The following SCFD2 variants were observed in gnomAD, a reference collection of about 807,000 sequenced individuals.
SCFD2 encodes sec1 family domain containing 2.
In SCFD2, 54 loss-of-function variants were observed where a neutral mutation model predicts 58.9. That is an observed-to-expected ratio of 0.92 (90% CI 0.74 to 1.15). SCFD2 has a LOEUF of 1.15. SCFD2 is among the 50% of genes most tolerant of loss of function. The pLI, the probability that SCFD2 is intolerant of heterozygous loss-of-function variation, is 0.00. For synonymous variants in SCFD2, 321 were observed against 335.9 expected, an observed-to-expected ratio of 0.96 and a Z score of 0.49; for missense variants, 805 against 836.6, an observed-to-expected ratio of 0.96 and a Z score of 0.47.
intron 4 of SCFD2, among the ~76,000 whole-genome samples, chr4:53,259,003 G>A (rs1730745274): frequency 6.6e-6 from 1 of 152,084 alleles, no homozygotes; most frequent in Non-Finnish European, 1.5e-5. Context: ...CCATATGCTT[G>A]TCAGCCATTT....
intron 5 of SCFD2, among the ~76,000 whole-genome samples, chr4:52,986,557 G>T (rs1231605912): frequency 2.9e-5 from 4 of 137,388 alleles, no homozygotes; most frequent in Non-Finnish European, 6.1e-5. Context: ...GGAGTGCAGT[G>T]GTGCGATCTT....
At chr4:53,216,495 C>A (rs1728840610) in intron 4 of SCFD2, among the ~76,000 whole-genome samples, 1 of 151,852 alleles carries the variant, frequency 6.6e-6, no homozygotes, top group Non-Finnish European at 1.5e-5. Flanking sequence ...TGGTGATATC[C>A]CCTTTATCAT....
At position 53,291,310 on chromosome 4, in the gene SCFD2, C is replaced by T. The variant is rs554107949; in HGVS notation, c.1136-17309G>A. 2.6e-5 allele frequency among the ~76,000 whole-genome samples: 4 copies of T among 152,184 alleles called. No individual in the cohort carries two copies. In the South Asian group the frequency reaches 6.2e-4, roughly 24 times the overall value. On this transcript the variant is annotated intron_variant, in intron 3 of 8. Transcript: ENST00000401642. ...CTTAACATATGCAAATCAAAAATCA[C>T]AAGCATTTCTTTACACCAACAACAG... is the stretch of plus-strand genomic sequence containing the variant.
chr4:53,344,825 A>T (rs560162778), intron 2 of SCFD2, among the ~76,000 whole-genome samples: 2 of 152,216 alleles, frequency 1.3e-5, no homozygotes, highest in Non-Finnish European at 2.9e-5. Context: ...CTTTTGACAA[A>T]CCTGAGAAAA....
At chr4:53,223,463 A>C (rs1349217535) in intron 4 of SCFD2, among the ~76,000 whole-genome samples, 4 of 152,178 alleles carry the variant, frequency 2.6e-5, no homozygotes, top group Non-Finnish European at 5.9e-5. Flanking sequence ...TTTTTCCACA[A>C]ACACATGCCT....
In SCFD2 at chr4:52,930,799, C is replaced by G. The variant is rs1158422836; in HGVS notation, c.1562-9929G>C. On this transcript the variant is annotated intron_variant, in intron 5 of 8. Transcript: ENST00000401642. ...TGTCTATTAAATCAAACTAAATACA[C>G]TGTAGACAAAGAGATTCTGAAGTTC... Among the ~76,000 whole-genome samples the G allele has an allele frequency of 2.0e-5, 3 of 152,284 alleles. No individual in the cohort carries two copies. In the East Asian group the frequency reaches 5.8e-4, roughly 29 times the overall value.
At chr4:53,337,924 A>G (rs866297086) in intron 2 of SCFD2, among the ~76,000 whole-genome samples, 9 of 152,188 alleles carry the variant, frequency 5.9e-5, no homozygotes, top group Non-Finnish European at 4.4e-5. Context: ...GATTATCCAG[A>G]TAGGTCCAAT....
chr4:52,908,576 T>C (rs371342316), intron 6 of SCFD2, among the ~76,000 whole-genome samples: 48 of 152,320 alleles, frequency 3.2e-4, no homozygotes, highest in African/African-American at 1.1e-3. Context: ...CTCTCTCTGA[T>C]TGGCCAAATA....
chr4:52,914,860 T>G (rs1376838224), intron 6 of SCFD2, among the ~76,000 whole-genome samples: 11 of 152,196 alleles, frequency 7.2e-5, no homozygotes. Context: ...GAGAGCCTCA[T>G]GAGGCTGGCC....
intron 4 of SCFD2, among the ~76,000 whole-genome samples, chr4:53,213,131 G>T (rs1301934902): frequency 6.6e-6 from 1 of 152,128 alleles, no homozygotes; most frequent in African/African-American, 2.4e-5. Context: ...TTTAGTAGGT[G>T]TAATGTGAAA....
At chr4:52,901,783 T>C (rs891520844) in intron 7 of SCFD2, among the ~76,000 whole-genome samples, 4 of 152,220 alleles carry the variant, frequency 2.6e-5, no homozygotes, top group African/African-American at 9.7e-5. Context: ...GCATGCTAAA[T>C]GCTGCAAAGA....
intron 3 of SCFD2, among the ~76,000 whole-genome samples, chr4:53,300,541 G>A (rs1353416941): frequency 2.0e-5 from 3 of 152,102 alleles, no homozygotes; most frequent in South Asian, 2.1e-4. Context: ...ACAGATCAAC[G>A]AGAAAGAAAG....
At chr4:53,109,228 G>A (rs188647163) in intron 5 of SCFD2, among the ~76,000 whole-genome samples, 17 of 152,182 alleles carry the variant, frequency 1.1e-4, no homozygotes, top group Non-Finnish European at 2.4e-4. Flanking sequence ...AAAATAATGA[G>A]AGCTATCTAT....
At chr4:52,974,718 C>A (rs1370863288) in intron 5 of SCFD2, among the ~76,000 whole-genome samples, 1 of 152,044 alleles carries the variant, frequency 6.6e-6, no homozygotes, top group Admixed American at 6.6e-5. Context: ...CCAAGTCAAC[C>A]CTAAGCCAAA....
At chr4:53,330,818 A>G (rs1733428776) in intron 2 of SCFD2, among the ~76,000 whole-genome samples, 1 of 152,182 alleles carries the variant, frequency 6.6e-6, no homozygotes, top group Non-Finnish European at 1.5e-5. Context: ...ATAAAGAGTC[A>G]AGACCCATCA....
intron 5 of SCFD2, among the ~76,000 whole-genome samples, chr4:53,143,716 A>G (rs1183992326): frequency 1.3e-5 from 2 of 151,960 alleles, no homozygotes; most frequent in Non-Finnish European, 2.9e-5. Flanking sequence ...CCAACAGAGG[A>G]CAAGAGGAAA....
rs1474315649 is a variant in SCFD2 at position 53,365,672 on chromosome 4, C to A, written c.270G>T (p.Arg90=). 6.2e-7 allele frequency: 1 copy of A among 1,614,062 alleles called. No individual in the cohort carries two copies. The highest frequency in any genetic ancestry group is 2.2e-5 in the East Asian group (1 of 44,890). Residue 90 remains arginine (R), a synonymous_variant, in exon 1 of 9, where the codon CGG becomes CGT. Transcript: ENST00000401642. This position sits in a 1 kb window ranked among gnomAD's most constrained non-coding sequence, Gnocchi z 4.3. ...LLKGRTVEIL[R]DIICRSHFQY... ...GGAAGTGACTGCGGCAGATGATGTC[C>A]CGTAGGATCTCCACGGTCCGGCCTT... is the stretch of plus-strand genomic sequence containing the variant.
intron 4 of SCFD2, among the ~76,000 whole-genome samples, chr4:53,265,203 G>A (rs1218367429): frequency 6.6e-6 from 1 of 152,144 alleles, no homozygotes; most frequent in Non-Finnish European, 1.5e-5. Context: ...GAAATCAGAT[G>A]TTGGGCAGCG....
At chr4:53,223,735 T>C (rs1200455032) in intron 4 of SCFD2, among the ~76,000 whole-genome samples, 1 of 152,250 alleles carries the variant, frequency 6.6e-6, no homozygotes, top group East Asian at 1.9e-4. Flanking sequence ...GTTTCTTTTC[T>C]AACATAAAAG....
Sources: allele counts gnomAD v4.1 joint callset (sites outside exome capture counted in the v4.1 genomes callset), GRCh38; gene constraint gnomAD v4.1.1; non-coding constraint Gnocchi (gnomAD v3.1); transcripts MANE v1.5; gene names NCBI Gene and HGNC (gene_info 2026-07-23, HGNC 2026-07-21).